The following MACROD1 variants were observed in gnomAD, a reference collection of about 807,000 sequenced individuals.
The protein encoded by MACROD1 is mono-ADP ribosylhydrolase 1, also known as ADP-ribose glycohydrolase MACROD1.
MACROD1 carries 31 observed loss-of-function variants against 41.4 expected under a neutral mutation model. The observed-to-expected ratio is 0.75, with a 90% CI of 0.56 to 1.01. The LOEUF (loss-of-function observed/expected upper bound fraction) is 1.01. MACROD1 is among the 50% of genes least tolerant of loss of function. The pLI is 0.00. For synonymous variants in MACROD1, 252 were observed against 203.4 expected (o/e 1.24, Z -2.03); for missense variants, 473 against 460.0 (o/e 1.03, Z -0.26).
chr11:64,021,882 C>A (rs1246809165), intron 3 of MACROD1, among the ~76,000 whole-genome samples: 1 of 145,802 alleles, frequency 6.9e-6, no homozygotes, highest in Non-Finnish European at 1.5e-5. Context: ...GCACAAGAAT[C>A]CCTGTGAGTG....
chr11:64,061,728 C>T (rs541106137), intron 3 of MACROD1, among the ~76,000 whole-genome samples: 27 of 148,166 alleles, frequency 1.8e-4, no homozygotes, highest in African/African-American at 6.3e-4. Context: ...GAGATAGGGT[C>T]TCACTCTGTC....
At chr11:64,156,882 C>A (rs1161238092) in intron 1 of MACROD1, among the ~76,000 whole-genome samples, 1 of 152,230 alleles carries the variant, frequency 6.6e-6, no homozygotes, top group Admixed American at 6.5e-5. Flanking sequence ...GTCCTCACCA[C>A]CAGAACAAGG....
At chr11:64,045,007 G>T (rs1788207633) in intron 3 of MACROD1, among the ~76,000 whole-genome samples, 1 of 152,270 alleles carries the variant, frequency 6.6e-6, no homozygotes, top group Non-Finnish European at 1.5e-5. Context: ...TTTGGAGCCA[G>T]GTGGGAGGGC....
rs189216287 is a variant in MACROD1, at chr11:64,082,331, C to T, written c.518-67050G>A. ...CAGAGACGCTGGGTGGAGGATGATC[C>T]GGGGGGACCGTGGAAGGCAGGACGG... On this transcript the variant is annotated intron_variant, in intron 3 of 10. Transcript: ENST00000255681. The surrounding 1 kb of genome is among the most constrained non-coding windows in gnomAD (Gnocchi z 4.5). 4.0e-5 allele frequency among the ~76,000 whole-genome samples: 6 copies of T among 151,772 alleles called. No homozygotes were observed. The highest frequency in any genetic ancestry group is 3.9e-4 in the East Asian group (2 of 5,144).
At chr11:64,032,081 G>A (rs1943303118) in intron 3 of MACROD1, among the ~76,000 whole-genome samples, 1 of 152,126 alleles carries the variant, frequency 6.6e-6, no homozygotes, top group Non-Finnish European at 1.5e-5. Context: ...CAGAGCCTGG[G>A]GCTAAGGGTC....
chr11:64,144,858 C>T (rs1013982329), intron 3 of MACROD1, among the ~76,000 whole-genome samples: 14 of 152,280 alleles, frequency 9.2e-5, no homozygotes, highest in African/African-American at 3.4e-4. Context: ...GACAGTTCAG[C>T]GTCAGATCAC....
rs566750109 is a variant in MACROD1 at position 64,023,809 on chromosome 11, C to A, written c.518-8528G>T. ...ACGTCCACTCCACTCTATAGCCCCT[C>A]TTCCTGGTCTAATCGAGGCATCCCA... is the stretch of plus-strand genomic sequence containing the variant. On this transcript the variant is annotated intron_variant, in intron 3 of 10. Coordinates refer to ENST00000255681, the MANE Select transcript of MACROD1 (RefSeq NM_014067.4). 6.6e-5 allele frequency among the ~76,000 whole-genome samples: 10 copies of A among 152,328 alleles called. No homozygotes were observed. In the East Asian group the frequency reaches 1.9e-3, roughly 29 times the overall value.
chr11:64,073,611 G>C (rs1296959278), intron 3 of MACROD1, among the ~76,000 whole-genome samples: 1 of 152,208 alleles, frequency 6.6e-6, no homozygotes, highest in Non-Finnish European at 1.5e-5. Context: ...GGCAGGTGCA[G>C]GCCAGAGCCA....
intron 1 of MACROD1, 21 bp from the exon 2 acceptor site, chr11:64,152,414 A>G (rs1455541934): frequency 1.3e-6 from 2 of 1,597,998 alleles, no homozygotes; most frequent in East Asian, 2.2e-5. Context: ...AGGAAGGAGG[A>G]TCAGGGTGGG....
chr11:64,162,658 A>G (rs2134736436), intron 1 of MACROD1, among the ~76,000 whole-genome samples: 1 of 147,454 alleles, frequency 6.8e-6, no homozygotes, highest in South Asian at 2.2e-4. Context: ...ACTAAAGAAT[A>G]CAAAAAATTA....
rs1296006452 is a variant in MACROD1, at chr11:64,082,741, CAG to C, written c.518-67462_518-67461del. ...TGTGGAGCATCCTCCTGAGAGGACTCAGAGGGGATTCCTGGGCCTTGGCATTT... is the reference window on the plus strand; with the variant it reads ...TGTGGAGCATCCTCCTGAGAGGACTCAGGGGATTCCTGGGCCTTGGCATTT... On this transcript the variant is annotated intron_variant, in intron 3 of 10. Transcript: ENST00000255681. The surrounding 1 kb of genome is among the most constrained non-coding windows in gnomAD (Gnocchi z 4.5). Among the ~76,000 whole-genome samples, 1 of 152,146 alleles carries C rather than the reference CAG, an allele frequency of 6.6e-6. No homozygotes were observed.
chr11:64,163,153 A>AC (rs60652981), intron 1 of MACROD1, among the ~76,000 whole-genome samples: 3 of 149,784 alleles, frequency 2.0e-5, no homozygotes, highest in Admixed American at 1.3e-4. Context: ...AAACAAACAA[A>AC]AATTAGCCGG....
chr11:64,108,022 A>C (rs1369577644), intron 3 of MACROD1, among the ~76,000 whole-genome samples: 1 of 152,200 alleles, frequency 6.6e-6, no homozygotes, highest in Non-Finnish European at 1.5e-5. Flanking sequence ...CCAGGGAAGT[A>C]GATCGTTTAT....
chr11:64,107,697 T>C (rs1944788084), intron 3 of MACROD1, among the ~76,000 whole-genome samples: 1 of 152,262 alleles, frequency 6.6e-6, no homozygotes, highest in Non-Finnish European at 1.5e-5. Context: ...GGAGCAAAGC[T>C]GTTCAGGGTG....
chr11:64,036,010 G>T lies in MACROD1; in HGVS notation c.518-20729C>A, dbSNP rs898497084. On this transcript the variant is annotated intron_variant, in intron 3 of 10. Coordinates refer to ENST00000255681, the MANE Select transcript of MACROD1 (RefSeq NM_014067.4). The surrounding 1 kb of genome is among the most constrained non-coding windows in gnomAD (Gnocchi z 5.6). ...CGCCCCCCGCTCCGGGCCCGCCACC[G>T]TGCTCTGCCGCGCGCCGGGGGCTCC... is the stretch of plus-strand genomic sequence containing the variant. 2 of 150,904 alleles carry T rather than the reference G, an allele frequency of 1.3e-5. No homozygotes were observed. Among genetic ancestry groups the T allele is most frequent in the Middle Eastern group, 6.8e-3 (2 of 292 alleles). 9.3% of individuals were successfully genotyped at this position (150,904 alleles called of 1,614,324 possible). A position where few individuals can be genotyped will look rare whatever the true frequency, so the allele number is the denominator to read the frequency against.
chr11:64,158,852 C>T (rs1343699664), intron 1 of MACROD1, among the ~76,000 whole-genome samples: 1 of 152,014 alleles, frequency 6.6e-6, no homozygotes, highest in Non-Finnish European at 1.5e-5. Context: ...AAGGCACTCC[C>T]GGGGGGATAA....
At position 64,000,250 on chromosome 11, in the gene MACROD1, C is replaced by A; in HGVS notation, c.641G>T (p.Gly214Val). The A allele has an allele frequency of 1.9e-6, 3 of 1,607,254 alleles. No homozygotes were observed. The South Asian group carries it at 3.3e-5, about 18-fold the overall frequency. Reference sequence around the variant, plus strand: ...ACACTTGGCCGGGAGCCGATAGCCGCCGGTGATCTTGGCCTTGCCAGTCTT... The same window carrying A: ...ACACTTGGCCGGGAGCCGATAGCCGACGGTGATCTTGGCCTTGCCAGTCTT... ...SCKTGKAKITGGYRLPAKYVI... is the reference protein window; with the variant it reads ...SCKTGKAKITVGYRLPAKYVI... The change falls in exon 5 of 11, where the codon GGC (glycine) becomes GTC (valine). Residue 214 changes from glycine (G) to valine (V), a missense_variant. Transcript: ENST00000255681.
chr11:64,011,797 G>A lies in MACROD1; in HGVS notation c.547+3455C>T, dbSNP rs189650930. On this transcript the variant is annotated intron_variant, in intron 4 of 10. Coordinates refer to ENST00000255681, the MANE Select transcript of MACROD1 (RefSeq NM_014067.4). ...GGTAGAGGCCTGAACTCCTGTAGGAGGGATGTCCAGGGACCCCACGGGAAG... is the reference window on the plus strand; with the variant it reads ...GGTAGAGGCCTGAACTCCTGTAGGAAGGATGTCCAGGGACCCCACGGGAAG... Among the ~76,000 whole-genome samples, 176 of 152,130 alleles carry A rather than the reference G, an allele frequency of 1.2e-3. 4 individuals are homozygous for A. In the East Asian group the frequency reaches 0.032, roughly 28 times the overall value.
chr11:64,025,948 C>T (rs943671699), intron 3 of MACROD1, among the ~76,000 whole-genome samples: 5 of 151,950 alleles, frequency 3.3e-5, no homozygotes, highest in African/African-American at 9.7e-5. Context: ...TTTGGGAGGC[C>T]GAGGCGGGTA....
Sources: gnomAD v4.1 joint callset for allele counts (sites outside exome capture counted in the v4.1 genomes callset) on GRCh38, gnomAD v4.1.1 for gene constraint, Gnocchi (gnomAD v3.1) non-coding constraint, MANE v1.5 for transcripts, NCBI Gene and HGNC (gene_info 2026-07-23, HGNC 2026-07-21) for gene names.